Variants in METAP1D observed in about 807,000 individuals in gnomAD.
The protein encoded by METAP1D is methionyl aminopeptidase type 1D, mitochondrial.
METAP1D carries 31 observed loss-of-function variants against 40.5 expected under a neutral mutation model. That is an observed-to-expected ratio of 0.77 (90% CI 0.58 to 1.03). METAP1D has a LOEUF of 1.03. METAP1D is among the 50% of genes least tolerant of loss of function. The pLI, the probability that METAP1D is intolerant of heterozygous loss-of-function variation, is 0.00. For missense variants in METAP1D, 411 were observed against 420.7 expected, an observed-to-expected ratio of 0.98 and a Z score of 0.20; for synonymous variants, 151 against 146.4, an observed-to-expected ratio of 1.03 and a Z score of -0.22.
At chr2:172,049,904 C>T (rs1220837079) in intron 1 of METAP1D, among the ~76,000 whole-genome samples, 1 of 152,180 alleles carries the variant, frequency 6.6e-6, no homozygotes, top group Non-Finnish European at 1.5e-5. Context: ...AGAGACAAAA[C>T]TCCTACAGTT....
At chr2:172,011,559 C>A (rs1688722960) in intron 1 of METAP1D, among the ~76,000 whole-genome samples, 1 of 152,220 alleles carries the variant, frequency 6.6e-6, no homozygotes. Context: ...GCTGGGATTA[C>A]AGGCGTGAGC....
intron 1 of METAP1D, among the ~76,000 whole-genome samples, chr2:172,036,223 A>G (rs1689379438): frequency 6.7e-6 from 1 of 149,370 alleles, no homozygotes; most frequent in Non-Finnish European, 1.5e-5. Flanking sequence ...AGGCTGAGGC[A>G]GGAGAATGGC....
At chr2:172,002,252 A>G (rs1399857049) in intron 1 of METAP1D, among the ~76,000 whole-genome samples, 3 of 151,808 alleles carry the variant, frequency 2.0e-5, no homozygotes, top group African/African-American at 2.4e-5. Context: ...GTATGTATGT[A>G]TATATATATA....
At chr2:172,034,372 G>A (rs1406641139) in intron 1 of METAP1D, among the ~76,000 whole-genome samples, 1 of 151,958 alleles carries the variant, frequency 6.6e-6, no homozygotes, top group African/African-American at 2.4e-5. Context: ...TGTGATCGTG[G>A]ACAAATTCAT....
At chr2:172,014,607 A>G (rs1470713563) in intron 1 of METAP1D, among the ~76,000 whole-genome samples, 2 of 152,082 alleles carry the variant, frequency 1.3e-5, no homozygotes, top group Non-Finnish European at 1.5e-5. Flanking sequence ...CTATCTTGCC[A>G]CTTATTTTTT....
intron 1 of METAP1D, among the ~76,000 whole-genome samples, chr2:172,042,843 G>GTGTGTGTGTATATGTACACATATACGTA (rs1553493974): frequency 0.1 from 1,196 of 11,982 alleles, 536 homozygotes; most frequent in Middle Eastern, 0.5. Flanking sequence ...ACATATACGT[G>GTGTGTGTGTATATGTACACATATACGTA]TGTGTGTATA....
intron 6 of METAP1D, among the ~76,000 whole-genome samples, chr2:172,073,009 A>T (rs1690458896): frequency 1.3e-5 from 2 of 152,188 alleles, no homozygotes. Flanking sequence ...ACTGCTACAT[A>T]AATGTACTGT....
intron 6 of METAP1D, among the ~76,000 whole-genome samples, chr2:172,077,155 G>T (rs1293305956): frequency 1.3e-5 from 2 of 152,126 alleles, no homozygotes; most frequent in African/African-American, 2.4e-5. Flanking sequence ...TGATTAAAAA[G>T]CATTCTTTAT....
At chr2:172,052,585 G>T (rs1449508713) in intron 1 of METAP1D, among the ~76,000 whole-genome samples, 2 of 152,326 alleles carry the variant, frequency 1.3e-5, no homozygotes, top group East Asian at 3.9e-4. Flanking sequence ...GGCTTCCCAG[G>T]CATGTCCATG....
At chr2:172,077,681 C>G (rs559189610) in intron 6 of METAP1D, 116 bp from the exon 7 acceptor site, 4 of 556,304 alleles carry the variant, frequency 7.2e-6, no homozygotes, top group Non-Finnish European at 9.6e-6. Context: ...TTATCTGACT[C>G]TAAATATTAC....
rs1690680228 is a variant in METAP1D, at chr2:172,080,515, T to A, written c.*109T>A. ...GGAAATGACCGGTGGTGCGGTAACC[T>A]GCGTGGCTCCTGATAGCGTTTGGAA... is the stretch of plus-strand genomic sequence containing the variant. On this transcript the variant is annotated 3_prime_UTR_variant, in exon 10 of 10. Transcript: ENST00000315796. 3.4e-6 allele frequency: 4 copies of A among 1,178,114 alleles called. No homozygotes were observed. In the South Asian group the frequency reaches 3.8e-5, roughly 11 times the overall value. 73.0% of individuals were successfully genotyped at this position (1,178,114 alleles called of 1,614,324 possible).
At chr2:172,067,572 G>A (rs1245459617) in intron 5 of METAP1D, among the ~76,000 whole-genome samples, 2 of 152,086 alleles carry the variant, frequency 1.3e-5, no homozygotes, top group Admixed American at 6.6e-5. Flanking sequence ...CTTTTCATGA[G>A]ACACTTTTAT....
intron 1 of METAP1D, among the ~76,000 whole-genome samples, chr2:172,040,023 C>A (rs986192381): frequency 6.6e-6 from 1 of 150,414 alleles, no homozygotes; most frequent in Non-Finnish European, 1.5e-5. Flanking sequence ...CTCGCCCTGT[C>A]GCCCAGGCTG....
chr2:172,064,829 T>C (rs1021739300), intron 3 of METAP1D, among the ~76,000 whole-genome samples: 30 of 152,258 alleles, frequency 2.0e-4, no homozygotes, highest in African/African-American at 7.0e-4. Flanking sequence ...AATGTATATA[T>C]ACAAAATGAA....
At chr2:172,003,934 T>A (rs1037748734) in intron 1 of METAP1D, among the ~76,000 whole-genome samples, 2 of 151,928 alleles carry the variant, frequency 1.3e-5, no homozygotes, top group Admixed American at 1.3e-4. Flanking sequence ...CTGGCTAATT[T>A]TTGTATTTTT....
At chr2:172,051,035 T>C (rs1183103662) in intron 1 of METAP1D, among the ~76,000 whole-genome samples, 1 of 151,636 alleles carries the variant, frequency 6.6e-6, no homozygotes, top group Non-Finnish European at 1.5e-5. Flanking sequence ...GCCAAGTATA[T>C]ACCATTTCAT....
chr2:172,057,636 C>T (rs906888988), intron 1 of METAP1D, among the ~76,000 whole-genome samples: 14 of 152,132 alleles, frequency 9.2e-5, no homozygotes, highest in African/African-American at 3.1e-4. Flanking sequence ...CTGGGTATTT[C>T]CCTGTGTTTT....
At chr2:172,017,080 G>A (rs1319150116) in intron 1 of METAP1D, among the ~76,000 whole-genome samples, 1 of 151,948 alleles carries the variant, frequency 6.6e-6, no homozygotes, top group East Asian at 1.9e-4. Context: ...CATTTGTGTG[G>A]TTCTTTAATT....
intron 1 of METAP1D, among the ~76,000 whole-genome samples, chr2:172,045,749 A>G (rs1343889048): frequency 4.4e-4 from 39 of 89,206 alleles, no homozygotes; most frequent in Admixed American, 6.1e-4. Flanking sequence ...ATGTGTATAT[A>G]TGTATATATG....
Sources: gnomAD v4.1 joint callset for allele counts (sites outside exome capture counted in the v4.1 genomes callset) on GRCh38, gnomAD v4.1.1 for gene constraint, MANE v1.5 for transcripts, NCBI Gene and HGNC (gene_info 2026-07-23, HGNC 2026-07-21) for gene names.